Variants in C10orf90 observed in about 807,000 individuals in gnomAD.
C10orf90 encodes (E2-independent) E3 ubiquitin-conjugating enzyme FATS.
C10orf90 carries 56 observed loss-of-function variants against 62.5 expected under a neutral mutation model. The observed-to-expected ratio is 0.90, with a 90% CI of 0.72 to 1.12. The LOEUF (loss-of-function observed/expected upper bound fraction) is 1.12. Among genes scored for constraint, C10orf90 ranks in the 50% most tolerant of loss-of-function variants. The pLI is 0.00. For missense variants in C10orf90, 970 were observed against 880.4 expected (o/e 1.10, Z -1.29); for synonymous variants, 386 against 340.4 (o/e 1.13, Z -1.47).
chr10:126,636,631 C>T (rs1352542706), intron 2 of C10orf90, among the ~76,000 whole-genome samples: 1 of 152,190 alleles, frequency 6.6e-6, no homozygotes, highest in Non-Finnish European at 1.5e-5. Context: ...TGCTGGGAAG[C>T]TGGATATTAA....
intron 2 of C10orf90, among the ~76,000 whole-genome samples, chr10:126,613,692 T>C (rs886155114): frequency 1.3e-5 from 2 of 152,206 alleles, no homozygotes; most frequent in Non-Finnish European, 2.9e-5. Context: ...GCTTGCTAGG[T>C]CTTGTTTTAA....
At position 126,425,703 on chromosome 10, in the gene C10orf90, G is replaced by T; in HGVS notation, c.*161C>A. 4.3e-6 allele frequency: 3 copies of T among 701,292 alleles called. No homozygotes were observed. Among genetic ancestry groups the T allele is most frequent in the Non-Finnish European group, 6.9e-6 (3 of 432,032 alleles). 43.4% of individuals were successfully genotyped at this position (701,292 alleles called of 1,614,324 possible). Reference sequence around the variant, plus strand: ...GAGGGTTATTGTTTCTGTTTGGCTTGGGTCAGTAATTCAGGAAGTGATGTT... The same window carrying T: ...GAGGGTTATTGTTTCTGTTTGGCTTTGGTCAGTAATTCAGGAAGTGATGTT... On this transcript the variant is annotated 3_prime_UTR_variant, in exon 10 of 10. Coordinates refer to ENST00000488181, the MANE Select transcript of C10orf90 (RefSeq NM_001350921.2).
At chr10:126,548,646 T>C (rs1288562846) in intron 2 of C10orf90, among the ~76,000 whole-genome samples, 1 of 152,010 alleles carries the variant, frequency 6.6e-6, no homozygotes, top group Non-Finnish European at 1.5e-5. Flanking sequence ...ATTACAGGCA[T>C]GAGCCACTGC....
intron 2 of C10orf90, among the ~76,000 whole-genome samples, chr10:126,610,920 C>T (rs1176213885): frequency 6.6e-6 from 1 of 152,004 alleles, no homozygotes; most frequent in African/African-American, 2.4e-5. Flanking sequence ...GTGGGAGTCT[C>T]TATATTCTAT....
intron 1 of C10orf90, among the ~76,000 whole-genome samples, chr10:126,655,843 A>AC (rs1591179075): frequency 6.6e-6 from 1 of 151,916 alleles, no homozygotes; most frequent in South Asian, 2.1e-4. Flanking sequence ...ACAAAACAAA[A>AC]AAAAAAAAGA....
chr10:126,459,256 G>A (rs1859791937), intron 6 of C10orf90, 39 bp from the exon 7 acceptor site: 2 of 1,607,852 alleles, frequency 1.2e-6, no homozygotes, highest in South Asian at 2.2e-5. Context: ...TTTAAGAGCA[G>A]TGACACAGAA....
At position 126,504,407 on chromosome 10, in the gene C10orf90, AG is replaced by A; in HGVS notation, c.1083del (p.Tyr362IlefsTer3). 6.2e-7 allele frequency: 1 copy of A among 1,614,206 alleles called. No individual in the cohort carries two copies. Among genetic ancestry groups the A allele is most frequent in the Non-Finnish European group, 8.5e-7 (1 of 1,180,042 alleles). The stretch of plus-strand genomic sequence containing the variant: ...ACGGAGAGAGACTTGTCTACGTAAT[AG>A]ATTGAATCTGGACACTGCTGAGACA... Reference protein sequence around the residue: ...LRVSQQCPDSIYYVDKSLSVP... With the variant: ...LRVSQQCPDSXYYVDKSLSVP... On this transcript the variant is annotated frameshift_variant, in exon 4 of 10. Coordinates refer to ENST00000488181, the MANE Select transcript of C10orf90 (RefSeq NM_001350921.2). LOFTEE classifies it high-confidence loss of function. The surrounding 1 kb of genome is among the most constrained non-coding windows in gnomAD (Gnocchi z 4.1).
intron 2 of C10orf90, among the ~76,000 whole-genome samples, chr10:126,579,779 T>C (rs1299079276): frequency 1.3e-5 from 2 of 152,088 alleles, no homozygotes; most frequent in African/African-American, 4.8e-5. Flanking sequence ...AAAGAGCTGA[T>C]TCTTACTGAG....
At chr10:126,501,038 A>T (rs10510160) in intron 4 of C10orf90, among the ~76,000 whole-genome samples, 38,291 of 152,214 alleles carry the variant, frequency 0.25, 5,185 homozygotes, top group Middle Eastern at 0.38. Flanking sequence ...CTATGAAGTA[A>T]GAAGACTGCT....
Position 126,620,342 on chromosome 10 carries a change from T to C in C10orf90, c.313+26223A>G, listed in dbSNP as rs374121698. ...CCCTGCGTCATTGCTGTGGCCCCTG[T>C]GCCACACACCGGGTGACTACACCTG... is the stretch of plus-strand genomic sequence containing the variant. On this transcript the variant is annotated intron_variant, in intron 2 of 9. Transcript: ENST00000488181. Among the ~76,000 whole-genome samples the C allele has an allele frequency of 5.9e-5, 9 of 152,298 alleles. No homozygotes were observed. In the South Asian group the frequency reaches 1.9e-3, roughly 32 times the overall value.
At chr10:126,667,122 A>G (rs752486689) in intron 1 of C10orf90, among the ~76,000 whole-genome samples, 8 of 151,906 alleles carry the variant, frequency 5.3e-5, no homozygotes, top group Non-Finnish European at 8.8e-5. Flanking sequence ...GCAGTGGCAC[A>G]ATCTCGGCTC....
chr10:126,650,415 C>T (rs1846267838), intron 1 of C10orf90, among the ~76,000 whole-genome samples: 1 of 152,160 alleles, frequency 6.6e-6, no homozygotes, highest in Non-Finnish European at 1.5e-5. Context: ...GAGGAGCTAT[C>T]ATTGAGGGCA....
At chr10:126,455,792 C>A (rs1357606491) in intron 7 of C10orf90, among the ~76,000 whole-genome samples, 1 of 152,176 alleles carries the variant, frequency 6.6e-6, no homozygotes. Context: ...GGAGTCCTAA[C>A]CCTAATTAAC....
intron 4 of C10orf90, among the ~76,000 whole-genome samples, chr10:126,478,492 G>T (rs773557585): frequency 3.9e-5 from 6 of 152,228 alleles, no homozygotes; most frequent in Non-Finnish European, 7.3e-5. Flanking sequence ...AAGTGACATA[G>T]ACTTTGTTCT....
chr10:126,429,896 C>A, intron 7 of C10orf90, 46 bp from the exon 8 acceptor site: 2 of 1,480,314 alleles, frequency 1.4e-6, no homozygotes, highest in South Asian at 2.3e-5. Context: ...CATAGAATCT[C>A]ACACATTTCT....
chr10:126,435,092 G>A (rs562047900), intron 7 of C10orf90, among the ~76,000 whole-genome samples: 9 of 152,258 alleles, frequency 5.9e-5, no homozygotes, highest in East Asian at 3.9e-4. Context: ...CTGAATGACC[G>A]TTGCACATAG....
chr10:126,641,611 A>G (rs1036538077), intron 2 of C10orf90, among the ~76,000 whole-genome samples: 3 of 151,962 alleles, frequency 2.0e-5, no homozygotes, highest in African/African-American at 7.2e-5. Flanking sequence ...CTGACTTCCA[A>G]TCGCCCTCAA....
chr10:126,459,675 G>A lies in C10orf90; in HGVS notation c.2011-458C>T, dbSNP rs147836301. On this transcript the variant is annotated intron_variant, in intron 6 of 9. Coordinates refer to ENST00000488181, the MANE Select transcript of C10orf90 (RefSeq NM_001350921.2). Reference sequence around the variant, plus strand: ...CACAGACACAGATCATCCACTCAGCGTGAAAAACGTGCTCTTTCAGGAGGC... The same window carrying A: ...CACAGACACAGATCATCCACTCAGCATGAAAAACGTGCTCTTTCAGGAGGC... Among the ~76,000 whole-genome samples the A allele has an allele frequency of 1.3e-3, 198 of 152,352 alleles. 1 individual carries two copies. The highest frequency in any genetic ancestry group is 4.5e-3 in the African/African-American group (188 of 41,576).
At chr10:126,503,208 C>T (rs1862502823) in intron 4 of C10orf90, among the ~76,000 whole-genome samples, 1 of 152,152 alleles carries the variant, frequency 6.6e-6, no homozygotes, top group Non-Finnish European at 1.5e-5. Flanking sequence ...CAAAAAATGC[C>T]TGCTTTCCTC....
Sources: allele counts gnomAD v4.1 joint callset (sites outside exome capture counted in the v4.1 genomes callset), GRCh38; gene constraint gnomAD v4.1.1; non-coding constraint Gnocchi (gnomAD v3.1); transcripts MANE v1.5; gene names NCBI Gene and HGNC (gene_info 2026-07-23, HGNC 2026-07-21).